Variants in HK1 observed in about 807,000 individuals in gnomAD.
HK1 encodes the protein hexokinase-1.
HK1 carries 28 observed loss-of-function variants against 91.6 expected under a neutral mutation model. That is an observed-to-expected ratio of 0.31 (90% CI 0.23 to 0.42). The LOEUF is 0.42. Ranked by LOEUF, HK1 falls within the 10% of genes least tolerant of loss-of-function variation. The pLI is 1.00. For synonymous variants in HK1, 430 were observed against 468.1 expected (o/e 0.92, Z 1.05); for missense variants, 770 against 1,219.8 (o/e 0.63, Z 5.49).
chr10:69,320,065 C>CG (rs1363576704), intron 1 of HK1, among the ~76,000 whole-genome samples: 1 of 152,236 alleles, frequency 6.6e-6, no homozygotes, highest in Non-Finnish European at 1.5e-5. Context: ...ATTTTCTGCC[C>CG]GGCAAGCCAT....
rs776207460 is a variant in HK1 at position 69,380,136 on chromosome 10, TGTGG to T, written c.1265+44_1265+47del. The T allele has an allele frequency of 4.6e-5, 68 of 1,483,446 alleles. No individual in the cohort carries two copies. Among genetic ancestry groups the T allele is most frequent in the Non-Finnish European group, 6.3e-5 (67 of 1,061,034 alleles). 91.9% of individuals were successfully genotyped at this position (1,483,446 alleles called of 1,614,324 possible). A position where few individuals can be genotyped will look rare whatever the true frequency, so the allele number is the denominator to read the frequency against. ...GCTATCATTGGCACTCTGTACCCAT[TGTGG>T]GTAGGGACCTTCTCCAGAGATCAGA... is the stretch of plus-strand genomic sequence containing the variant. On this transcript the variant is annotated intron_variant, in intron 9 of 17. Transcript: ENST00000359426. This position sits in a 1 kb window ranked among gnomAD's most constrained non-coding sequence, Gnocchi z 4.0.
chr10:69,338,659 G>A (rs1019375994), intron 1 of HK1: 3 of 1,286,212 alleles, frequency 2.3e-6, no homozygotes, highest in African/African-American at 3.1e-5. Context: ...TAAGAGAAGG[G>A]GACAGGATTA....
intron 2 of HK1, among the ~76,000 whole-genome samples, chr10:69,345,363 C>G (rs1440808076): frequency 6.6e-6 from 1 of 152,174 alleles, no homozygotes; most frequent in Non-Finnish European, 1.5e-5. Context: ...AGACTGTGGT[C>G]TACCCTGGGT....
intron 2 of HK1, among the ~76,000 whole-genome samples, chr10:69,287,166 T>G (rs2079159958): frequency 6.6e-6 from 1 of 152,234 alleles, no homozygotes; most frequent in South Asian, 2.1e-4. Context: ...TTAATTGACT[T>G]ACAGTTCAGC....
chr10:69,270,235 C>T (rs1327272286), intron 1 of HK1: 2 of 152,270 alleles, frequency 1.3e-5, no homozygotes, highest in African/African-American at 4.8e-5. Flanking sequence ...CTTAACCTCC[C>T]CAGCAGCTGG....
At chr10:69,326,025 G>A (rs952871367) in intron 1 of HK1, among the ~76,000 whole-genome samples, 12 of 149,016 alleles carry the variant, frequency 8.1e-5, no homozygotes, top group Non-Finnish European at 1.3e-4. Flanking sequence ...TTGTAGAGAC[G>A]GGGTTTCACC....
upstream of HK1, among the ~76,000 whole-genome samples, chr10:69,313,997 C>A (rs1202612359): frequency 4.6e-5 from 7 of 152,108 alleles, no homozygotes; most frequent in Non-Finnish European, 7.4e-5. Context: ...GATTTTACAA[C>A]TCCAGCCTCT....
chr10:69,280,690 C>A (rs1844704350), intron 1 of HK1, among the ~76,000 whole-genome samples: 1 of 152,170 alleles, frequency 6.6e-6, no homozygotes, highest in Admixed American at 6.6e-5. Flanking sequence ...GAGAAATGAG[C>A]CCTCACCAGG....
At chr10:69,308,215 T>C (rs1846193723) in intron 5 of HK1, among the ~76,000 whole-genome samples, 1 of 152,138 alleles carries the variant, frequency 6.6e-6, no homozygotes, top group Non-Finnish European at 1.5e-5. Context: ...AGACAATTTT[T>C]CCACAGACCC....
At chr10:69,282,721 C>G (rs1031671070) in intron 2 of HK1, 3 of 152,118 alleles carry the variant, frequency 2.0e-5, no homozygotes, top group African/African-American at 7.2e-5. Context: ...CAAGTCATCC[C>G]AAGGCAACTA....
chr10:69,376,665 G>A (rs1839125741), intron 7 of HK1, among the ~76,000 whole-genome samples: 1 of 152,198 alleles, frequency 6.6e-6, no homozygotes, highest in African/African-American at 2.4e-5. Flanking sequence ...CCTGCCTTCA[G>A]GCAGCCTTCC....
chr10:69,318,551 G>T (rs542606910), upstream of HK1, among the ~76,000 whole-genome samples: 4 of 152,308 alleles, frequency 2.6e-5, no homozygotes, highest in East Asian at 7.7e-4. Flanking sequence ...GCCGCCACGC[G>T]TGAAGGCCCG....
At position 69,398,768 on chromosome 10, in the gene HK1, G is replaced by A. The variant is rs368303763; in HGVS notation, c.2549G>A (p.Gly850Glu). 1.6e-5 allele frequency: 26 copies of A among 1,614,116 alleles called. No homozygotes were observed. Among genetic ancestry groups the A allele is most frequent in the Non-Finnish European group, 1.7e-5 (20 of 1,180,052 alleles). Reference sequence around the variant, plus strand: ...GTGGATAAGATCCGCGAGAACAGAGGACTGGACCGTCTGAATGTGACTGTG... The same window carrying A: ...GTGGATAAGATCCGCGAGAACAGAGAACTGGACCGTCTGAATGTGACTGTG... ...AVVDKIRENR[G>E]LDRLNVTVGV... The change falls in exon 17 of 18, where the codon GGA becomes GAA. Residue 850 changes from glycine to glutamate, a missense_variant. Transcript: ENST00000359426.
chr10:69,318,247 C>G (rs1846760624), upstream of HK1: 1 of 983,974 alleles, frequency 1.0e-6, no homozygotes, highest in African/African-American at 1.7e-5. Context: ...TAGGCCGGTG[C>G]GTTCGGCCTG....
chr10:69,332,481 C>G (rs12264596), intron 1 of HK1, among the ~76,000 whole-genome samples: 4 of 151,984 alleles, frequency 2.6e-5, no homozygotes, highest in African/African-American at 9.7e-5. Context: ...CTGGTTCAAG[C>G]GGTTCTCATG....
At chr10:69,390,294 C>G (rs1340277949) in intron 14 of HK1, among the ~76,000 whole-genome samples, 3 of 152,254 alleles carry the variant, frequency 2.0e-5, no homozygotes, top group African/African-American at 7.2e-5. Context: ...AGTGACACAG[C>G]AGCTCTCCTC....
chr10:69,303,772 G>A (rs1291098268), intron 5 of HK1, among the ~76,000 whole-genome samples: 7 of 152,212 alleles, frequency 4.6e-5, no homozygotes, highest in African/African-American at 1.2e-4. Flanking sequence ...TTGCAATAAA[G>A]AAGGAGTAAT....
intron 7 of HK1, among the ~76,000 whole-genome samples, chr10:69,374,775 G>A (rs1366596128): frequency 2.0e-5 from 3 of 152,236 alleles, no homozygotes; most frequent in East Asian, 1.9e-4. Context: ...TGTTCTGGGC[G>A]TCTTTAGAAG....
At position 69,369,405 on chromosome 10, in the gene HK1, T is replaced by C. The variant is rs375824708; in HGVS notation, c.692-36T>C. 2.6e-5 allele frequency: 42 copies of C among 1,613,882 alleles called. No individual in the cohort carries two copies. The highest frequency in any genetic ancestry group is 3.4e-5 in the Non-Finnish European group (40 of 1,179,870). Reference sequence around the variant, plus strand: ...TCCAGGTGGCTCTGCACCCTCCCCGTTGTGTGGTCATAGCTTCTGATCTTG... The same window carrying C: ...TCCAGGTGGCTCTGCACCCTCCCCGCTGTGTGGTCATAGCTTCTGATCTTG... On this transcript the variant is annotated intron_variant, in intron 6 of 17. Transcript: ENST00000359426. This position sits in a 1 kb window ranked among gnomAD's most constrained non-coding sequence, Gnocchi z 4.4.
Sources: gnomAD v4.1 joint callset for allele counts (sites outside exome capture counted in the v4.1 genomes callset) on GRCh38, gnomAD v4.1.1 for gene constraint, Gnocchi (gnomAD v3.1) non-coding constraint, MANE v1.5 for transcripts, NCBI Gene and HGNC (gene_info 2026-07-23, HGNC 2026-07-21) for gene names.